The following LAMA3 variants were observed in gnomAD, a reference collection of about 807,000 sequenced individuals.
LAMA3 encodes the protein laminin subunit alpha 3.
A neutral mutation model predicts 402.0 loss-of-function variants in LAMA3; 281 were observed. The observed-to-expected ratio is 0.70, with a 90% confidence interval of 0.63 to 0.77. The LOEUF (loss-of-function observed/expected upper bound fraction) is 0.77. Among genes scored for constraint, LAMA3 ranks in the 30% least tolerant of loss-of-function variants. The pLI, the probability that LAMA3 is intolerant of heterozygous loss-of-function variation, is 0.00. For synonymous variants in LAMA3, 1,431 were observed against 1,558.4 expected (o/e 0.92, Z 1.93); for missense variants, 3,840 against 4,215.5 (o/e 0.91, Z 2.47).
At chr18:23,892,977 T>G (rs1000374869) in intron 42 of LAMA3, among the ~76,000 whole-genome samples, 2 of 150,142 alleles carry the variant, frequency 1.3e-5, no homozygotes, top group Non-Finnish European at 3.0e-5. Flanking sequence ...TAAATTAAAA[T>G]GTATATAAAT....
intron 8 of LAMA3, among the ~76,000 whole-genome samples, chr18:23,771,679 G>A (rs1024023572): frequency 1.1e-4 from 16 of 152,304 alleles, no homozygotes; most frequent in South Asian, 6.2e-4. Context: ...TTTGAAATGC[G>A]TAAGAGATAA....
intron 24 of LAMA3, chr18:23,834,918 T>C (rs2063553578): frequency 6.6e-6 from 1 of 152,244 alleles, no homozygotes; most frequent in Non-Finnish European, 1.5e-5. Context: ...ATCAACATCA[T>C]GCCCTCAGTA....
At chr18:23,832,660 A>C (rs563781016) in intron 23 of LAMA3, among the ~76,000 whole-genome samples, 131 of 152,342 alleles carry the variant, frequency 8.6e-4, no homozygotes, top group African/African-American at 2.9e-3. Flanking sequence ...GGATATATGC[A>C]TGATGATTGT....
intron 56 of LAMA3, 134 bp downstream of exon 56, chr18:23,913,015 C>A: frequency 1.2e-6 from 1 of 846,804 alleles, no homozygotes; most frequent in Non-Finnish European, 1.9e-6. Context: ...ATCGACAAAT[C>A]CCTCCAGCTT....
In LAMA3 at chr18:23,903,081, T is replaced by C. The variant is rs2145140025; in HGVS notation, c.6274T>C (p.Leu2092=). ...KYLTTADSSL[L]QTNIALQLME... is the part of the protein sequence containing the mutation. ...TCTAACCACTGCAGACTCATCTTTGTTGCAAACCAACATTGCGCTGCAGCT... is the reference window on the plus strand; with the variant it reads ...TCTAACCACTGCAGACTCATCTTTGCTGCAAACCAACATTGCGCTGCAGCT... Residue 2092 remains leucine (L), a synonymous_variant, in exon 49 of 75, where the codon TTG becomes CTG. Transcript: ENST00000313654. 1.9e-6 allele frequency: 3 copies of C among 1,613,250 alleles called. No individual in the cohort carries two copies. Among genetic ancestry groups the C allele is most frequent in the Non-Finnish European group, 2.5e-6 (3 of 1,179,330 alleles).
Position 23,827,408 on chromosome 18 carries a change from G to A in LAMA3, c.2764G>A (p.Val922Met), listed in dbSNP as rs201248742. Reference sequence around the variant, plus strand: ...CCTGCTTGATGGGGAGCCAAGACCCGTGGCAGTGAGGCAGCCCACACCTGC... The same window carrying A: ...CCTGCTTGATGGGGAGCCAAGACCCATGGCAGTGAGGCAGCCCACACCTGC... The part of the protein sequence containing the change: ...HFLLDGEPRP[V>M]AVRQPTPAHP... The change falls in exon 23 of 75, where the codon GTG (valine) becomes ATG (methionine). Residue 922 changes from valine to methionine, a missense_variant. Physicochemically the swap from Val to Met is conservative, Grantham distance 21 (BLOSUM62 1). Around this residue, in one of 3 missense-constraint regions of LAMA3, gnomAD observed 2,109 missense variants for 2,376.0 expected, o/e 0.89. Transcript: ENST00000313654. 639 of 1,614,186 alleles carry A rather than the reference G, an allele frequency of 4.0e-4. 2 individuals carry two copies. The Middle Eastern group carries it at 7.8e-3, about 20-fold the overall frequency.
At chr18:23,804,262 C>T (rs2144219435) in intron 12 of LAMA3, among the ~76,000 whole-genome samples, 1 of 152,278 alleles carries the variant, frequency 6.6e-6, no homozygotes, top group East Asian at 1.9e-4. Context: ...AAAAAGCATC[C>T]CTATCTGCCA....
chr18:23,953,253 G>A (rs2145584058), intron 74 of LAMA3, 144 bp downstream of exon 74: 2 of 1,089,770 alleles, frequency 1.8e-6, no homozygotes, highest in South Asian at 2.6e-5. Context: ...GGCAGTTGCT[G>A]GAAAGGAGCA....
intron 30 of LAMA3, among the ~76,000 whole-genome samples, chr18:23,845,421 C>T (rs2063793243): frequency 6.6e-6 from 1 of 152,228 alleles, no homozygotes; most frequent in Non-Finnish European, 1.5e-5. Context: ...TCCACTGTTT[C>T]CTGTGTGCCA....
intron 1 of LAMA3, among the ~76,000 whole-genome samples, chr18:23,696,183 G>T (rs974077712): frequency 2.0e-5 from 3 of 152,220 alleles, no homozygotes; most frequent in South Asian, 2.1e-4. Context: ...AATTTGATGA[G>T]AATGCAAACA....
rs755764819 is a variant in LAMA3, at chr18:23,847,657, C to T, written c.4125C>T (p.Ser1375=). Residue 1375 remains serine (S), a synonymous_variant, in exon 32 of 75, where the codon AGC becomes AGT. Transcript: ENST00000313654. ...CCATGCCGGAGTGTGACCGGGACAG[C>T]GGGCAGTGCAGGTGAGCTGGGGGAG... ...EAAMPECDRD[S]GQCRCKPRIT... 2.5e-5 allele frequency: 41 copies of T among 1,613,198 alleles called. No homozygotes were observed. Among genetic ancestry groups the T allele is most frequent in the African/African-American group, 2.5e-4 (19 of 74,920 alleles).
intron 68 of LAMA3, among the ~76,000 whole-genome samples, chr18:23,940,720 A>T (rs1188988337): frequency 1.3e-5 from 2 of 152,188 alleles, no homozygotes; most frequent in African/African-American, 2.4e-5. Context: ...TGAAGGAGAA[A>T]GCCTGTGTGG....
intron 3 of LAMA3, among the ~76,000 whole-genome samples, chr18:23,749,000 A>C (rs2061699897): frequency 6.6e-6 from 1 of 152,186 alleles, no homozygotes; most frequent in African/African-American, 2.4e-5. Context: ...TTTATGCAGA[A>C]TTAGAAACTA....
intron 14 of LAMA3, 34 bp from the exon 15 acceptor site, chr18:23,814,369 A>G: frequency 1.4e-6 from 2 of 1,437,132 alleles, no homozygotes; most frequent in Non-Finnish European, 2.0e-6. Context: ...CTTAATTCCA[A>G]GATGTCAAAT....
chr18:23,783,679 T>C (rs1568180017), intron 11 of LAMA3, among the ~76,000 whole-genome samples: 1 of 152,242 alleles, frequency 6.6e-6, no homozygotes, highest in Non-Finnish European at 1.5e-5. Flanking sequence ...AAGAAATACA[T>C]TTAATTCACG....
intron 27 of LAMA3, among the ~76,000 whole-genome samples, chr18:23,841,091 G>A (rs1416655173): frequency 2.0e-5 from 3 of 152,138 alleles, no homozygotes; most frequent in Non-Finnish European, 4.4e-5. Context: ...GGATCTGAGC[G>A]ACAGAATCAA....
rs1599042597 is a variant in LAMA3, at chr18:23,901,053, C to T, written c.6005-74C>T. The T allele has an allele frequency of 6.1e-6, 8 of 1,316,004 alleles. No individual in the cohort carries two copies. In the East Asian group the frequency reaches 7.0e-5, roughly 11 times the overall value. The allele number at this position is 1,316,004 out of a possible 1,614,324, so 81.5% of individuals were successfully genotyped here. Reference sequence around the variant, plus strand: ...ATGAAATGAGTAGAAACTCGATTCTCCCTTTGTAGTTTTTATAACCCAGCT... The same window carrying T: ...ATGAAATGAGTAGAAACTCGATTCTTCCTTTGTAGTTTTTATAACCCAGCT... On this transcript the variant is annotated intron_variant, in intron 47 of 74. Coordinates refer to ENST00000313654, the MANE Select transcript of LAMA3 (RefSeq NM_198129.4).
At chr18:23,726,804 G>C (rs1308761677) in intron 2 of LAMA3, among the ~76,000 whole-genome samples, 6 of 152,054 alleles carry the variant, frequency 3.9e-5, no homozygotes, top group Non-Finnish European at 8.8e-5. Flanking sequence ...TTTTAGTACA[G>C]ACGGGGTTTC....
intron 27 of LAMA3, among the ~76,000 whole-genome samples, chr18:23,841,228 C>T (rs563455355): frequency 1.3e-5 from 2 of 152,160 alleles, no homozygotes; most frequent in Non-Finnish European, 2.9e-5. Context: ...ACTATTTACC[C>T]CCCCGAGTCA....
Sources: allele counts gnomAD v4.1 joint callset (sites outside exome capture counted in the v4.1 genomes callset), GRCh38; gene constraint gnomAD v4.1.1; regional missense constraint gnomAD v4.1.1; transcripts MANE v1.5; gene names NCBI Gene and HGNC (gene_info 2026-07-23, HGNC 2026-07-21).